The following TANC1 variants were observed in gnomAD, a reference collection of about 807,000 sequenced individuals.
The protein encoded by TANC1 is tetratricopeptide repeat, ankyrin repeat and coiled-coil containing 1.
A neutral mutation model predicts 149.7 loss-of-function variants in TANC1; 77 were observed. That is an observed-to-expected ratio of 0.51 (90% CI 0.43 to 0.62). TANC1 has a LOEUF of 0.62. Among genes scored for constraint, TANC1 ranks in the 20% least tolerant of loss-of-function variants. The pLI is 0.00. For missense variants in TANC1, 1,985 were observed against 2,321.8 expected, an observed-to-expected ratio of 0.85 and a Z score of 2.98; for synonymous variants, 854 against 925.0, an observed-to-expected ratio of 0.92 and a Z score of 1.39.
chr2:159,066,046 T>A, intron 3 of TANC1, 75 bp downstream of exon 3: 2 of 1,194,298 alleles, frequency 1.7e-6, no homozygotes, highest in Non-Finnish European at 2.5e-6. Flanking sequence ...GCCGGATGGA[T>A]TTGTTGCTTT....
chr2:159,065,858 T>G, intron 2 of TANC1, 38 bp from the exon 3 acceptor site: 1 of 1,536,480 alleles, frequency 6.5e-7, no homozygotes, highest in Non-Finnish European at 9.0e-7. Context: ...CAACTTTCAA[T>G]GTTTAATTCC....
intron 5 of TANC1, among the ~76,000 whole-genome samples, chr2:159,140,560 T>C (rs2051245760): frequency 6.6e-6 from 1 of 152,174 alleles, no homozygotes; most frequent in Non-Finnish European, 1.5e-5. Flanking sequence ...GGGTCCTGTC[T>C]TTATGGAGCC....
At chr2:159,121,221 A>G (rs558250983) in intron 4 of TANC1, among the ~76,000 whole-genome samples, 4 of 152,170 alleles carry the variant, frequency 2.6e-5, no homozygotes, top group Non-Finnish European at 4.4e-5. Context: ...TTGAAATCCT[A>G]CCTGATGCTG....
chr2:159,186,812 C>A, intron 15 of TANC1, 90 bp from the exon 16 acceptor site: 4 of 1,552,476 alleles, frequency 2.6e-6, no homozygotes, highest in Non-Finnish European at 2.6e-6. Context: ...TGCGGCAGAC[C>A]CACTTTCAGA....
chr2:159,229,829 A>G lies in TANC1; in HGVS notation c.4403A>G (p.Glu1468Gly). 6.2e-7 allele frequency: 1 copy of G among 1,614,012 alleles called. No homozygotes were observed. The highest frequency in any genetic ancestry group is 8.5e-7 in the Non-Finnish European group (1 of 1,180,028). ...GAAGAGGAAGAAACTTCTCCCCAGG[A>G]AGAATCTGTTTCCCCAACTCCCAGG... ...ETEEEETSPQ[E>G]ESVSPTPRSQ... Residue 1468 changes from glutamate to glycine, a missense_variant, in exon 27 of 27, where the codon GAA (glutamate) becomes GGA (glycine). Glu to Gly is a moderately conservative substitution (Grantham distance 98). Coordinates refer to ENST00000263635, the MANE Select transcript of TANC1 (RefSeq NM_033394.3).
Position 159,225,770 on chromosome 2 carries a change from G to C in TANC1, c.3894G>C (p.Val1298=). The C allele has an allele frequency of 6.2e-7, 1 of 1,613,108 alleles. No individual in the cohort carries two copies. ...LLQKLMEEGN[V]MYKKGKMKEA... ...AGAAATTAATGGAGGAAGGAAATGT[G>C]ATGTACAAAGTAAGTGGTTCCGCCC... The change falls in exon 24 of 27, where the codon GTG becomes GTC. Residue 1298 remains valine (V), a synonymous_variant. Coordinates refer to ENST00000263635, the MANE Select transcript of TANC1 (RefSeq NM_033394.3).
chr2:159,217,021 A>G (rs2357051), intron 19 of TANC1, among the ~76,000 whole-genome samples: 140,654 of 152,118 alleles, frequency 0.92, 65,191 homozygotes, highest in Non-Finnish European at 0.96. Context: ...TCTATAGTTT[A>G]GGCCGGGCAT....
chr2:159,216,365 G>A (rs2059344883), intron 19 of TANC1, among the ~76,000 whole-genome samples: 1 of 152,154 alleles, frequency 6.6e-6, no homozygotes, highest in Non-Finnish European at 1.5e-5. Flanking sequence ...GCACGTGCTG[G>A]GAATAGAGCC....
chr2:159,163,300 T>C lies in TANC1; in HGVS notation c.700T>C (p.Ser234Pro). The C allele has an allele frequency of 6.2e-7, 1 of 1,613,508 alleles. No individual in the cohort carries two copies. Among genetic ancestry groups the C allele is most frequent in the Non-Finnish European group, 8.5e-7 (1 of 1,179,696 alleles). ...SGIIATITSS[S>P]ENDDRSGSSL... is the part of the protein sequence containing the mutation. ...CATTTCAGCCACAATTACAAGTTCA[T>C]CCGAAAATGATGACCGGAGTGGCTC... Residue 234 changes from serine to proline, a missense_variant, in exon 8 of 27, where the codon TCC (serine) becomes CCC (proline). This residue lies in a region of TANC1 where 557 missense variants were observed against 612.9 expected (regional missense o/e 0.91). Transcript: ENST00000263635.
In TANC1 at chr2:159,117,642, T is replaced by C. The variant is rs1391350544; in HGVS notation, c.260-18552T>C. On this transcript the variant is annotated intron_variant, in intron 4 of 26. Transcript: ENST00000263635. ...CAATCTCCTGACCTCGTGACCCGCC[T>C]GCCTCGGCCTCCCAAAGTGCTGGGA... Among the ~76,000 whole-genome samples, 6 of 150,796 alleles carry C rather than the reference T, an allele frequency of 4.0e-5. No homozygotes were observed. In the South Asian group the frequency reaches 1.3e-3, roughly 32 times the overall value.
At position 159,230,109 on chromosome 2, in the gene TANC1, T is replaced by C; in HGVS notation, c.4683T>C (p.Pro1561=). ...SMKVQISSQN[P]PPSPMPGRIA... ...AAGTTCAGATCTCTTCTCAGAACCCTCCTCCAAGTCCCATGCCAGGGAGAA... is the reference window on the plus strand; with the variant it reads ...AAGTTCAGATCTCTTCTCAGAACCCCCCTCCAAGTCCCATGCCAGGGAGAA... The change falls in exon 27 of 27, where the codon CCT becomes CCC. Residue 1561 remains proline (P), a synonymous_variant. Coordinates refer to ENST00000263635, the MANE Select transcript of TANC1 (RefSeq NM_033394.3). This position sits in a 1 kb window ranked among gnomAD's most constrained non-coding sequence, Gnocchi z 4.4. The C allele has an allele frequency of 1.2e-6, 2 of 1,613,906 alleles. No individual in the cohort carries two copies. Among genetic ancestry groups the C allele is most frequent in the Non-Finnish European group, 1.7e-6 (2 of 1,180,026 alleles).
At position 159,179,041 on chromosome 2, in the gene TANC1, C is replaced by T. The variant is rs62171128; in HGVS notation, c.2388C>T (p.Asp796=). 38,919 of 1,613,986 alleles carry T rather than the reference C, an allele frequency of 0.024. 609 individuals carry two copies. Among genetic ancestry groups the T allele is most frequent in the African/African-American group, 0.056 (4,199 of 75,008 alleles). Residue 796 remains aspartate (D), a synonymous_variant, in exon 14 of 27, where the codon GAC becomes GAT. Transcript: ENST00000263635. ...QGWEDFQQRM[D]ALSCFLIKRR... ...GGGAAGACTTTCAGCAGAGGATGGA[C>T]GCCCTCTCCTGCTTCCTCATTAAGA...
chr2:159,136,869 T>G (rs933354758), intron 5 of TANC1, among the ~76,000 whole-genome samples: 2 of 150,842 alleles, frequency 1.3e-5, no homozygotes, highest in Admixed American at 1.3e-4. Context: ...TACCTGGAAA[T>G]ATGTGTGACA....
At chr2:159,225,639 C>T in intron 23 of TANC1, 49 bp from the exon 24 acceptor site, 2 of 1,504,296 alleles carry the variant, frequency 1.3e-6, no homozygotes, top group Non-Finnish European at 1.8e-6. Context: ...AATTGGGATC[C>T]TTTCCGCAGG....
intron 3 of TANC1, among the ~76,000 whole-genome samples, chr2:159,073,676 T>A (rs1559207349): frequency 6.6e-6 from 1 of 152,216 alleles, no homozygotes; most frequent in Non-Finnish European, 1.5e-5. Flanking sequence ...AAGGTCTTAT[T>A]TTGTACAGAC....
Position 159,231,194 on chromosome 2 carries a change from A to C in TANC1, c.*182A>C. On this transcript the variant is annotated 3_prime_UTR_variant, in exon 27 of 27. Coordinates refer to ENST00000263635, the MANE Select transcript of TANC1 (RefSeq NM_033394.3). ...TTCTTTAATAGCTAGAAATCACCAT[A>C]AATAAGAATGCTAAACAGAATTGAA... The C allele has an allele frequency of 1.8e-6, 1 of 553,236 alleles. No individual in the cohort carries two copies. Among genetic ancestry groups the C allele is most frequent in the Non-Finnish European group, 3.2e-6 (1 of 314,926 alleles). 34.3% of individuals were successfully genotyped at this position (553,236 alleles called of 1,614,324 possible). A position where few individuals can be genotyped will look rare whatever the true frequency, so the allele number is the denominator to read the frequency against.
rs1487561765 is a variant in TANC1 at position 159,230,288 on chromosome 2, C to T, written c.4862C>T (p.Pro1621Leu). 1 of 1,614,106 alleles carries T rather than the reference C, an allele frequency of 6.2e-7. No individual in the cohort carries two copies. The highest frequency in any genetic ancestry group is 1.1e-5 in the South Asian group (1 of 91,086). ...CGENGPAHPL[P>L]SKTKTTERLL... ...GAGAATGGCCCTGCACACCCTTTAC[C>T]AAGTAAGACGAAAACCACAGAGAGG... The change falls in exon 27 of 27, where the codon CCA becomes CTA. Residue 1621 changes from proline (P) to leucine (L), a missense_variant. Transcript: ENST00000263635. This position sits in a 1 kb window ranked among gnomAD's most constrained non-coding sequence, Gnocchi z 4.4.
At chr2:158,985,184 T>C (rs2034857559) in intron 1 of TANC1, among the ~76,000 whole-genome samples, 1 of 152,134 alleles carries the variant, frequency 6.6e-6, no homozygotes, top group African/African-American at 2.4e-5. Flanking sequence ...TACCTTTGAG[T>C]GTGCACTTAA....
intron 3 of TANC1, among the ~76,000 whole-genome samples, chr2:159,073,185 C>G (rs1277621600): frequency 6.6e-6 from 1 of 152,180 alleles, no homozygotes; most frequent in Non-Finnish European, 1.5e-5. Context: ...GAATGAAGGT[C>G]TTTATATATG....
Sources: gnomAD v4.1 joint callset for allele counts (sites outside exome capture counted in the v4.1 genomes callset) on GRCh38, gnomAD v4.1.1 for gene constraint, gnomAD v4.1.1 regional missense constraint, Gnocchi (gnomAD v3.1) non-coding constraint, MANE v1.5 for transcripts, NCBI Gene and HGNC (gene_info 2026-07-23, HGNC 2026-07-21) for gene names.